EXOC2: variants seen among roughly 807,000 people sequenced by gnomAD.
EXOC2 encodes exocyst complex component 2, also known as SEC5-like 1.
A neutral mutation model predicts 131.8 loss-of-function variants in EXOC2; 70 were observed. The observed-to-expected ratio is 0.53, with a 90% CI of 0.44 to 0.65. The LOEUF (loss-of-function observed/expected upper bound fraction) is 0.65, where lower values mean the gene tolerates loss of function less well. Among genes scored for constraint, EXOC2 ranks in the 30% least tolerant of loss-of-function variants. EXOC2 has a pLI of 0.00. For synonymous variants in EXOC2, 411 were observed against 398.4 expected (o/e 1.03, Z -0.38); for missense variants, 923 against 1,108.6 (o/e 0.83, Z 2.38).
intron 7 of EXOC2, among the ~76,000 whole-genome samples, chr6:603,072 C>T (rs1451364135): frequency 6.6e-6 from 1 of 152,098 alleles, no homozygotes; most frequent in Non-Finnish European, 1.5e-5. Flanking sequence ...TGGTCCTTTC[C>T]TTGGTACTGA....
At chr6:639,519 A>T (rs573988928) in intron 1 of EXOC2, among the ~76,000 whole-genome samples, 21 of 151,824 alleles carry the variant, frequency 1.4e-4, no homozygotes, top group Non-Finnish European at 2.6e-4. Flanking sequence ...GCAGGTGTGC[A>T]AGCCCCTCCT....
At chr6:565,042 G>T (rs1757902511) in intron 13 of EXOC2, 113 bp from the exon 14 acceptor site, 2 of 764,042 alleles carry the variant, frequency 2.6e-6, no homozygotes, top group East Asian at 5.9e-5. Flanking sequence ...TTGATTAAAA[G>T]AAATGCTTAA....
chr6:597,899 G>C lies in EXOC2; in HGVS notation c.1073+122C>G, dbSNP rs1334846120. 3 of 647,730 alleles carry C rather than the reference G, an allele frequency of 4.6e-6. No homozygotes were observed. The African/African-American group carries it at 5.6e-5, about 12-fold the overall frequency. The allele number at this position is 647,730 out of a possible 1,614,324, so 40.1% of individuals were successfully genotyped here. A position where few individuals can be genotyped will look rare whatever the true frequency, so the allele number is the denominator to read the frequency against. ...AGATAACCCTAAATTTCTGCTATTT[G>C]TCTTCCCCTTCACCATTTCATCAAT... On this transcript the variant is annotated intron_variant, in intron 10 of 27. Transcript: ENST00000230449.
Position 502,996 on chromosome 6 carries a change from C to T in EXOC2, c.2381-3296G>A, listed in dbSNP as rs536816113. On this transcript the variant is annotated intron_variant, in intron 23 of 27. Coordinates refer to ENST00000230449, the MANE Select transcript of EXOC2 (RefSeq NM_018303.6). ...AGAGGCAGCATTCAACTGGATGCATCGGAAAGGGCCGGAGTGAGGCGGAGC... is the reference window on the plus strand; with the variant it reads ...AGAGGCAGCATTCAACTGGATGCATTGGAAAGGGCCGGAGTGAGGCGGAGC... Among the ~76,000 whole-genome samples, 5 of 152,272 alleles carry T rather than the reference C, an allele frequency of 3.3e-5. No individual in the cohort carries two copies. The East Asian group carries it at 7.7e-4, about 23-fold the overall frequency.
chr6:624,757 C>T (rs752131489), intron 4 of EXOC2, among the ~76,000 whole-genome samples: 39 of 152,302 alleles, frequency 2.6e-4, no homozygotes, highest in Non-Finnish European at 4.1e-4. Flanking sequence ...TGCTAATGCC[C>T]TTAATAACAG....
At chr6:675,232 T>C (rs1040772283) in intron 1 of EXOC2, among the ~76,000 whole-genome samples, 6 of 152,224 alleles carry the variant, frequency 3.9e-5, no homozygotes, top group Non-Finnish European at 5.9e-5. Flanking sequence ...TGAGCCACTG[T>C]GACTCAATAC....
chr6:545,425 T>G (rs1756795273), intron 22 of EXOC2, among the ~76,000 whole-genome samples: 1 of 152,188 alleles, frequency 6.6e-6, no homozygotes. Flanking sequence ...TGAAAGAATT[T>G]GGTTGGTGGC....
At position 555,088 on chromosome 6, in the gene EXOC2, A is replaced by G. The variant is rs1478788631; in HGVS notation, c.2054+139T>C. 4 of 423,942 alleles carry G rather than the reference A, an allele frequency of 9.4e-6. No homozygotes were observed. The South Asian group carries it at 3.6e-4, about 38-fold the overall frequency. 26.3% of individuals were successfully genotyped at this position (423,942 alleles called of 1,614,324 possible). On this transcript the variant is annotated intron_variant, in intron 20 of 27. Transcript: ENST00000230449. ...TATGGAAAGAATATAGGTCGAATAT[A>G]AAAAAAAACTATTACTTCGATATGA...
At chr6:492,077 T>G (rs940448405) in intron 25 of EXOC2, among the ~76,000 whole-genome samples, 4 of 152,198 alleles carry the variant, frequency 2.6e-5, no homozygotes, top group Non-Finnish European at 5.9e-5. Flanking sequence ...CTTTGTGACC[T>G]TAGGCTAGGA....
chr6:634,071 CTT>C (rs11386557), intron 2 of EXOC2, among the ~76,000 whole-genome samples: 101,080 of 150,036 alleles, frequency 0.67, 34,329 homozygotes, highest in Middle Eastern at 0.81. Context: ...TTGACGTTTT[CTT>C]TTTTTTTTTT....
At chr6:536,363 C>T (rs1766444918) in intron 22 of EXOC2, among the ~76,000 whole-genome samples, 1 of 151,740 alleles carries the variant, frequency 6.6e-6, no homozygotes, top group Admixed American at 6.6e-5. Flanking sequence ...TAATACAATA[C>T]CATAAAAAAT....
chr6:675,300 C>CA (rs1764059791), intron 1 of EXOC2, among the ~76,000 whole-genome samples: 1 of 152,074 alleles, frequency 6.6e-6, no homozygotes, highest in Admixed American at 6.5e-5. Flanking sequence ...GGAAAGAAAG[C>CA]AAAAAACATT....
chr6:497,277 C>A (rs561533965), intron 25 of EXOC2, 90 bp downstream of exon 25: 1 of 1,193,614 alleles, frequency 8.4e-7, no homozygotes, highest in East Asian at 2.4e-5. Context: ...TTAAAAGAAG[C>A]CTGTCATATC....
chr6:686,806 T>C (rs1764676090), intron 1 of EXOC2, among the ~76,000 whole-genome samples: 1 of 152,222 alleles, frequency 6.6e-6, no homozygotes, highest in African/African-American at 2.4e-5. Flanking sequence ...TAAAGGTGAC[T>C]GGACTTCCAA....
At chr6:486,881 G>T in intron 27 of EXOC2, 117 bp from the exon 28 acceptor site, 1 of 680,510 alleles carries the variant, frequency 1.5e-6, no homozygotes. Flanking sequence ...GGAGAAGGCA[G>T]CTGAAAAGTT....
In EXOC2 at chr6:693,056, C is replaced by G. The variant is rs1211435775; in HGVS notation, c.-81G>C. ...TGCCGCAGCTCACGGCCGGCACAGACAGGGCCCGGTAGGTCTCGCCGAAGA... is the reference window on the plus strand; with the variant it reads ...TGCCGCAGCTCACGGCCGGCACAGAGAGGGCCCGGTAGGTCTCGCCGAAGA... On this transcript the variant is annotated 5_prime_UTR_variant, in exon 1 of 28. Transcript: ENST00000230449. 6.6e-6 allele frequency: 1 copy of G among 152,530 alleles called. No individual in the cohort carries two copies. The highest frequency in any genetic ancestry group is 2.4e-5 in the African/African-American group (1 of 41,480). The allele number at this position is 152,530 out of a possible 1,614,324, so 9.4% of individuals were successfully genotyped here. A position where few individuals can be genotyped will look rare whatever the true frequency, so the allele number is the denominator to read the frequency against.
intron 4 of EXOC2, among the ~76,000 whole-genome samples, chr6:627,890 T>G (rs1761659963): frequency 6.6e-6 from 1 of 152,254 alleles, no homozygotes; most frequent in South Asian, 2.1e-4. Context: ...AACATCAAAA[T>G]CTGTTAATTT....
intron 21 of EXOC2, among the ~76,000 whole-genome samples, chr6:551,579 G>A (rs879263896): frequency 2.4e-4 from 36 of 152,256 alleles, no homozygotes; most frequent in Admixed American, 1.9e-3. Flanking sequence ...CACTGGAAGA[G>A]GCACAAGAGC....
chr6:499,684 T>G lies in EXOC2; in HGVS notation c.2397A>C (p.Leu799Phe), dbSNP rs1438754570. The change falls in exon 24 of 28, where the codon TTA (leucine) becomes TTC (phenylalanine). Residue 799 changes from leucine to phenylalanine, a missense_variant. By Grantham distance (22) the Leu-to-Phe change is conservative. Coordinates refer to ENST00000230449, the MANE Select transcript of EXOC2 (RefSeq NM_018303.6). ...CLPPTGVRNY[L>F]KEALVNIIAV... ...CAATTATATTCACCAGTGCTTCTTT[T>G]AAATAGTTTCTGACACCTGAAATTG... 1.2e-6 allele frequency: 2 copies of G among 1,613,838 alleles called. No individual in the cohort carries two copies. Among genetic ancestry groups the G allele is most frequent in the East Asian group, 4.5e-5 (2 of 44,874 alleles).
Sources: allele counts gnomAD v4.1 joint callset (sites outside exome capture counted in the v4.1 genomes callset), GRCh38; gene constraint gnomAD v4.1.1; transcripts MANE v1.5; gene names NCBI Gene and HGNC (gene_info 2026-07-23, HGNC 2026-07-21).